PAWR: variants seen among roughly 807,000 people sequenced by gnomAD.
The protein encoded by PAWR is PRKC apoptosis WT1 regulator protein.
PAWR carries 23 observed loss-of-function variants against 32.0 expected under a neutral mutation model. The observed-to-expected ratio is 0.72, with a 90% CI of 0.52 to 1.02. The LOEUF (loss-of-function observed/expected upper bound fraction) is 1.02. PAWR is among the 50% of genes least tolerant of loss of function. PAWR has a pLI of 0.00. For synonymous variants in PAWR, 226 were observed against 187.1 expected, an observed-to-expected ratio of 1.21 and a Z score of -1.70; for missense variants, 457 against 437.7, an observed-to-expected ratio of 1.04 and a Z score of -0.39.
chr12:79,682,173 C>A (rs1273868473), intron 2 of PAWR, among the ~76,000 whole-genome samples: 6 of 152,060 alleles, frequency 3.9e-5, no homozygotes, highest in Non-Finnish European at 5.9e-5. Flanking sequence ...TTTTTCTGAG[C>A]CAGGGTCTCA....
Position 79,604,741 on chromosome 12 carries a change from C to T in PAWR, c.684-8083G>A, listed in dbSNP as rs1029293393. ...CTCTTCCTTTAAATACAAACATACA[C>T]ATAAGCACATACACCAACAACTAAA... On this transcript the variant is annotated intron_variant, in intron 4 of 6. Transcript: ENST00000328827. The T allele has an allele frequency of 4.0e-6, 5 of 1,245,712 alleles. No homozygotes were observed. The African/African-American group carries it at 6.2e-5, about 15-fold the overall frequency. The allele number at this position is 1,245,712 out of a possible 1,614,324, so 77.2% of individuals were successfully genotyped here. A position where few individuals can be genotyped will look rare whatever the true frequency, so the allele number is the denominator to read the frequency against.
chr12:79,650,090 G>C (rs1876768389), intron 2 of PAWR, among the ~76,000 whole-genome samples: 1 of 152,178 alleles, frequency 6.6e-6, no homozygotes, highest in African/African-American at 2.4e-5. Context: ...CTCACCTCCT[G>C]CTGTATAGCC....
intron 3 of PAWR, among the ~76,000 whole-genome samples, chr12:79,616,379 C>A (rs1475844031): frequency 2.0e-5 from 3 of 152,008 alleles, no homozygotes; most frequent in South Asian, 2.1e-4. Flanking sequence ...ATGAGAGCAA[C>A]CCTTACTAGA....
rs372959662 is a variant in PAWR at position 79,628,033 on chromosome 12, C to G, written c.517-6826G>C. On this transcript the variant is annotated intron_variant, in intron 2 of 6. Transcript: ENST00000328827. ...TTTTCAGTACCACACCACACCTACT[C>G]CAAAATTGACCACATAGTTAGAAGT... Among the ~76,000 whole-genome samples, 8 of 152,148 alleles carry G rather than the reference C, an allele frequency of 5.3e-5. No homozygotes were observed. In the East Asian group the frequency reaches 1.3e-3, roughly 26 times the overall value.
chr12:79,674,000 T>C (rs767770306), intron 2 of PAWR, among the ~76,000 whole-genome samples: 2 of 152,120 alleles, frequency 1.3e-5, no homozygotes, highest in Non-Finnish European at 2.9e-5. Context: ...ACAGATTTAA[T>C]GCTACTCCTA....
intron 2 of PAWR, among the ~76,000 whole-genome samples, chr12:79,654,476 C>A (rs1944408084): frequency 6.6e-6 from 1 of 151,746 alleles, no homozygotes; most frequent in South Asian, 2.1e-4. Flanking sequence ...ATAAATCAAA[C>A]AACCAAAGCT....
chr12:79,597,830 T>G (rs558455305), intron 4 of PAWR: 1 of 152,316 alleles, frequency 6.6e-6, no homozygotes, highest in South Asian at 2.1e-4. Flanking sequence ...AATTCTTATC[T>G]CAAAGTTTCC....
intron 2 of PAWR, among the ~76,000 whole-genome samples, chr12:79,665,643 A>G (rs1877566646): frequency 6.6e-6 from 1 of 152,156 alleles, no homozygotes. Flanking sequence ...AAATTTCATT[A>G]TGCCTAATTA....
chr12:79,645,068 A>AC (rs1555175769), intron 2 of PAWR, among the ~76,000 whole-genome samples: 18,338 of 150,982 alleles, frequency 0.12, 1,192 homozygotes, highest in Non-Finnish European at 0.13. Context: ...ACACACACAC[A>AC]AAAATCAATG....
intron 2 of PAWR, among the ~76,000 whole-genome samples, chr12:79,624,829 C>T (rs1277660484): frequency 6.6e-6 from 1 of 152,052 alleles, no homozygotes; most frequent in African/African-American, 2.4e-5. Context: ...TTAATCAGAG[C>T]TTTATTGATG....
intron 4 of PAWR, among the ~76,000 whole-genome samples, chr12:79,612,175 A>G (rs987486011): frequency 7.2e-5 from 11 of 152,300 alleles, no homozygotes; most frequent in Middle Eastern, 3.4e-3. Flanking sequence ...ATTAATGGCA[A>G]ACGAAAGCAG....
At chr12:79,594,048 A>G (rs186107477) in intron 6 of PAWR, among the ~76,000 whole-genome samples, 56 of 152,222 alleles carry the variant, frequency 3.7e-4, no homozygotes, top group African/African-American at 1.3e-3. Flanking sequence ...GTGCCCTTAC[A>G]TATGGTAGTG....
intron 2 of PAWR, among the ~76,000 whole-genome samples, chr12:79,659,046 C>G (rs1351453592): frequency 6.6e-6 from 1 of 152,030 alleles, no homozygotes; most frequent in Non-Finnish European, 1.5e-5. Flanking sequence ...GCCTGTTATC[C>G]CAACACTTTG....
At chr12:79,643,044 A>G (rs1156922949) in intron 2 of PAWR, among the ~76,000 whole-genome samples, 1 of 152,172 alleles carries the variant, frequency 6.6e-6, no homozygotes, top group East Asian at 1.9e-4. Context: ...TTATATACCA[A>G]TCAATTCACA....
At chr12:79,625,438 A>T (rs974698440) in intron 2 of PAWR, among the ~76,000 whole-genome samples, 1 of 152,262 alleles carries the variant, frequency 6.6e-6, no homozygotes, top group Admixed American at 6.5e-5. Flanking sequence ...AAGCAAAAAG[A>T]AATCATATAC....
chr12:79,595,223 G>A (rs1565995643), intron 5 of PAWR, among the ~76,000 whole-genome samples: 1 of 152,156 alleles, frequency 6.6e-6, no homozygotes, highest in African/African-American at 2.4e-5. Flanking sequence ...TGGATAAAAA[G>A]AAGGAACTAA....
chr12:79,593,952 C>G (rs77131273), intron 6 of PAWR, among the ~76,000 whole-genome samples: 22 of 152,044 alleles, frequency 1.4e-4, no homozygotes, highest in African/African-American at 4.8e-4. Context: ...GATCCGCCCT[C>G]CTCGGCCTCC....
chr12:79,612,562 G>A (rs1411823701), intron 4 of PAWR, among the ~76,000 whole-genome samples: 3 of 151,962 alleles, frequency 2.0e-5, no homozygotes, highest in Non-Finnish European at 4.4e-5. Context: ...CTGTTGACTA[G>A]GTTTATAACC....
rs370409359 is a variant in PAWR at position 79,670,243 on chromosome 12, C to CA, written c.516+19485dup. Reference sequence around the variant, plus strand: ...AAGCAACTAATTGGCAGTACATAAGCAAAGTCCAAGAGAAAAATGCAAGTA... The same window carrying CA: ...AAGCAACTAATTGGCAGTACATAAGCAAAAGTCCAAGAGAAAAATGCAAGTA... On this transcript the variant is annotated intron_variant, in intron 2 of 6. Coordinates refer to ENST00000328827, the MANE Select transcript of PAWR (RefSeq NM_002583.4). 1.3e-3 allele frequency among the ~76,000 whole-genome samples: 198 copies of CA among 152,084 alleles called. 2 individuals are homozygous for CA. Among genetic ancestry groups the CA allele is most frequent in the African/African-American group, 4.7e-3 (194 of 41,504 alleles).
Sources: gnomAD v4.1 joint callset for allele counts (sites outside exome capture counted in the v4.1 genomes callset) on GRCh38, gnomAD v4.1.1 for gene constraint, MANE v1.5 for transcripts, NCBI Gene and HGNC (gene_info 2026-07-23, HGNC 2026-07-21) for gene names.